The following CENPP variants were observed in gnomAD, a reference collection of about 807,000 sequenced individuals.
CENPP encodes centromere protein P.
CENPP carries 24 observed loss-of-function variants against 35.6 expected under a neutral mutation model. That is an observed-to-expected ratio of 0.67 (90% confidence interval 0.49 to 0.95). The LOEUF is 0.95. Ranked by LOEUF, CENPP falls within the 40% of genes least tolerant of loss-of-function variation. The pLI is 0.00. For synonymous variants in CENPP, 120 were observed against 125.5 expected, an observed-to-expected ratio of 0.96 and a Z score of 0.29; for missense variants, 332 against 345.3, an observed-to-expected ratio of 0.96 and a Z score of 0.31.
intron 4 of CENPP, among the ~76,000 whole-genome samples, chr9:92,357,010 T>A (rs1055854257): frequency 2.0e-5 from 3 of 152,210 alleles, no homozygotes; most frequent in Non-Finnish European, 2.9e-5. Context: ...ATTAGTTTTT[T>A]AAATTACATA....
intron 5 of CENPP, among the ~76,000 whole-genome samples, chr9:92,580,805 G>A (rs1217132216): frequency 5.9e-5 from 9 of 152,090 alleles, no homozygotes; most frequent in African/African-American, 1.9e-4. Flanking sequence ...ATTTCCTTCA[G>A]TTCTGCTCTG....
intron 5 of CENPP, among the ~76,000 whole-genome samples, chr9:92,407,305 C>A (rs1282125301): frequency 6.6e-6 from 1 of 152,110 alleles, no homozygotes; most frequent in Non-Finnish European, 1.5e-5. Flanking sequence ...CTGGCATAGC[C>A]ACCTCTACCT....
chr9:92,442,567 C>T (rs1456985061), intron 5 of CENPP, among the ~76,000 whole-genome samples: 1 of 151,248 alleles, frequency 6.6e-6, no homozygotes, highest in Non-Finnish European at 1.5e-5. Flanking sequence ...ACATTTGATA[C>T]AGTTGGGCAC....
Position 92,613,029 on chromosome 9 carries a change from G to C in CENPP, c.747G>C (p.Leu249=). The C allele has an allele frequency of 6.2e-7, 1 of 1,614,132 alleles. No individual in the cohort carries two copies. The change falls in exon 8 of 8, where the codon CTG becomes CTC. Residue 249 remains leucine, a synonymous_variant. Transcript: ENST00000375587. The part of the protein sequence containing the change: ...LTKVPQRALE[L]DKNRAIETAP... ...ATGTTTTCTTTATAGCCCTGGAGCT[G>C]GACAAGAACAGAGCCATAGAAACTG... is the stretch of plus-strand genomic sequence containing the variant.
At position 92,615,844 on chromosome 9, in the gene CENPP, G is replaced by A. The variant is rs769497946; in HGVS notation, c.*2695G>A. On this transcript the variant is annotated 3_prime_UTR_variant, in exon 8 of 8. Coordinates refer to ENST00000375587, the MANE Select transcript of CENPP (RefSeq NM_001012267.3). ...TGCAGGGAAAGAGTTAGACCTTGTG[G>A]AGAACTAATGTGCAATCTTCGCTTT... 1.2e-6 allele frequency: 2 copies of A among 1,612,578 alleles called. No homozygotes were observed. The highest frequency in any genetic ancestry group is 1.7e-6 in the Non-Finnish European group (2 of 1,178,598).
chr9:92,557,560 A>G (rs1453711107), intron 5 of CENPP, among the ~76,000 whole-genome samples: 1 of 152,150 alleles, frequency 6.6e-6, no homozygotes, highest in African/African-American at 2.4e-5. Flanking sequence ...GGGTTAATTC[A>G]AAGACCTTGT....
At chr9:92,361,663 G>A (rs1841755900) in intron 4 of CENPP, among the ~76,000 whole-genome samples, 1 of 150,866 alleles carries the variant, frequency 6.6e-6, no homozygotes, top group Non-Finnish European at 1.5e-5. Context: ...TGTATTTTTA[G>A]TAGAGATGGG....
intron 5 of CENPP, chr9:92,415,223 C>T (rs2130954964): frequency 6.2e-7 from 1 of 1,613,880 alleles, no homozygotes; most frequent in Non-Finnish European, 8.5e-7. Context: ...CTCTCATGAG[C>T]ATTGTCAGGA....
chr9:92,505,609 A>G lies in CENPP; in HGVS notation c.565-105705A>G, dbSNP rs753768303. The stretch of plus-strand genomic sequence containing the variant: ...CAGACGCAAGTAGGCTAGGCTCTTC[A>G]AAGGTTTGAAAGCTAAAGGATTGAC... On this transcript the variant is annotated intron_variant, in intron 5 of 7. Coordinates refer to ENST00000375587, the MANE Select transcript of CENPP (RefSeq NM_001012267.3). The G allele has an allele frequency of 4.3e-6, 7 of 1,611,424 alleles. No individual in the cohort carries two copies. The South Asian group carries it at 7.8e-5, about 18-fold the overall frequency.
intron 5 of CENPP, among the ~76,000 whole-genome samples, chr9:92,444,160 G>C (rs977265913): frequency 1.3e-5 from 2 of 152,118 alleles, no homozygotes; most frequent in African/African-American, 4.8e-5. Context: ...TTGAGATACT[G>C]AATCTATTTT....
chr9:92,434,175 A>C (rs1222289822), intron 5 of CENPP, among the ~76,000 whole-genome samples: 2 of 152,000 alleles, frequency 1.3e-5, no homozygotes, highest in Non-Finnish European at 2.9e-5. Flanking sequence ...TGGATCACAA[A>C]GTCAGGAGTT....
chr9:92,474,744 CAT>C lies in CENPP; in HGVS notation c.564+94886_564+94887del, dbSNP rs1491409366. On this transcript the variant is annotated intron_variant, in intron 5 of 7. Transcript: ENST00000375587. The stretch of plus-strand genomic sequence containing the variant: ...CTTGTTGGAAAAAGAGAGTTGTCCT[CAT>C]CATCATCATCATCATCATCATCATC... 1.6e-4 allele frequency: 56 copies of C among 340,784 alleles called. No homozygotes were observed. The East Asian group carries it at 6.5e-3, about 39-fold the overall frequency. 21.1% of individuals were successfully genotyped at this position (340,784 alleles called of 1,614,324 possible).
At chr9:92,469,389 C>T (rs1359801161) in intron 5 of CENPP, among the ~76,000 whole-genome samples, 3 of 152,128 alleles carry the variant, frequency 2.0e-5, no homozygotes, top group African/African-American at 4.8e-5. Flanking sequence ...GAGCATCCCT[C>T]AGTCTGCCTT....
At chr9:92,345,329 A>T (rs1323806438) in intron 3 of CENPP, among the ~76,000 whole-genome samples, 1 of 151,890 alleles carries the variant, frequency 6.6e-6, no homozygotes, top group African/African-American at 2.4e-5. Context: ...TACTAAAAAT[A>T]CAAAAATTAG....
At position 92,377,032 on chromosome 9, in the gene CENPP, C is replaced by CAAA. The variant is rs1333487031; in HGVS notation, c.468-2720_468-2718dup. Among the ~76,000 whole-genome samples the CAAA allele has an allele frequency of 1.1e-4, 13 of 121,794 alleles. 1 individual carries two copies. The highest frequency in any genetic ancestry group is 9.1e-3 in the Middle Eastern group (2 of 220). 79.9% of individuals were successfully genotyped at this position (121,794 alleles called of 152,430 possible). On this transcript the variant is annotated intron_variant, in intron 4 of 7. Transcript: ENST00000375587. ...TGCACTCCAGAGTGAGACTTAGTCT[C>CAAA]AAAAAAAAAAAAAGAAAGAAAAGGG...
At position 92,616,053 on chromosome 9, in the gene CENPP, C is replaced by A. The variant is rs1479681242; in HGVS notation, c.*2904C>A. On this transcript the variant is annotated 3_prime_UTR_variant, in exon 8 of 8. Coordinates refer to ENST00000375587, the MANE Select transcript of CENPP (RefSeq NM_001012267.3). ...GATGAAGGGACGACAGGCCTTTGAT[C>A]AGAGCTGCAAGTAAAAAGTACCATT... 4 of 1,612,608 alleles carry A rather than the reference C, an allele frequency of 2.5e-6. No individual in the cohort carries two copies. Among genetic ancestry groups the A allele is most frequent in the South Asian group, 1.1e-5 (1 of 90,876 alleles).
intron 5 of CENPP, among the ~76,000 whole-genome samples, chr9:92,413,001 T>TTTTTTTTTG (rs1843488436): frequency 1.5e-5 from 2 of 129,924 alleles, no homozygotes; most frequent in African/African-American, 2.7e-5. Flanking sequence ...TTTTTTTTTT[T>TTTTTTTTTG]GATATGGACT....
In CENPP at chr9:92,393,891, G is replaced by A. The variant is rs1057129885; in HGVS notation, c.564+14032G>A. Among the ~76,000 whole-genome samples the A allele has an allele frequency of 2.6e-5, 4 of 152,156 alleles. No homozygotes were observed. The South Asian group carries it at 6.2e-4, about 24-fold the overall frequency. ...GGCAGGAGTACCATGGATCGTCAGTGCTGTGTGTCCAAAAGCACATGATAT... is the reference window on the plus strand; with the variant it reads ...GGCAGGAGTACCATGGATCGTCAGTACTGTGTGTCCAAAAGCACATGATAT... On this transcript the variant is annotated intron_variant, in intron 5 of 7. Transcript: ENST00000375587.
intron 5 of CENPP, among the ~76,000 whole-genome samples, chr9:92,518,929 A>G (rs755671769): frequency 1.3e-4 from 20 of 152,164 alleles, no homozygotes; most frequent in Non-Finnish European, 2.2e-4. Flanking sequence ...TGCAGTGCAT[A>G]TATTCATTTC....
Sources: allele counts gnomAD v4.1 joint callset (sites outside exome capture counted in the v4.1 genomes callset), GRCh38; gene constraint gnomAD v4.1.1; transcripts MANE v1.5; gene names NCBI Gene and HGNC (gene_info 2026-07-23, HGNC 2026-07-21).